CNTNAP5: variants seen among roughly 807,000 people sequenced by gnomAD.
The protein encoded by CNTNAP5 is contactin-associated protein-like 5.
In CNTNAP5, 72 loss-of-function variants were observed where a neutral mutation model predicts 150.2. The ratio of observed to expected loss-of-function variants is 0.48; its 90% CI spans 0.40 to 0.58. The LOEUF is 0.58. Ranked by LOEUF, CNTNAP5 falls within the 20% of genes least tolerant of loss-of-function variation. CNTNAP5 has a pLI of 0.00. For missense variants in CNTNAP5, 1,636 were observed against 1,626.2 expected, an observed-to-expected ratio of 1.01 and a Z score of -0.10; for synonymous variants, 672 against 619.8, an observed-to-expected ratio of 1.08 and a Z score of -1.25.
intron 21 of CNTNAP5, among the ~76,000 whole-genome samples, chr2:124,897,013 A>C (rs1678320482): frequency 1.3e-5 from 2 of 151,490 alleles, no homozygotes; most frequent in African/African-American, 4.9e-5. Context: ...ACCATCTTCT[A>C]TTCATCATTT....
At chr2:124,451,973 A>C (rs1692992588) in intron 6 of CNTNAP5, among the ~76,000 whole-genome samples, 1 of 152,166 alleles carries the variant, frequency 6.6e-6, no homozygotes, top group African/African-American at 2.4e-5. Flanking sequence ...CACTGAGAAA[A>C]GGCCATAGGG....
intron 7 of CNTNAP5, among the ~76,000 whole-genome samples, chr2:124,477,967 A>C (rs1281787632): frequency 6.6e-6 from 1 of 152,126 alleles, no homozygotes; most frequent in East Asian, 1.9e-4. Context: ...ATTGTTCATA[A>C]ACTGGGGCTT....
In CNTNAP5 at chr2:124,918,172, C is replaced by A. The variant is rs748450279; in HGVS notation, c.*3884C>A. 6.6e-6 allele frequency among the ~76,000 whole-genome samples: 1 copy of A among 151,978 alleles called. No homozygotes were observed. Among genetic ancestry groups the A allele is most frequent in the Non-Finnish European group, 1.5e-5 (1 of 67,964 alleles). On this transcript the variant is annotated 3_prime_UTR_variant, in exon 24 of 24. Coordinates refer to ENST00000682447, the MANE Select transcript of CNTNAP5 (RefSeq NM_001367498.1). ...TCCCATGAGTTGGACCTAAGAGTGT[C>A]CACTTTGGCCCCTCTCCTTCCCTTT...
At chr2:124,905,840 C>T (rs1024860879) in intron 22 of CNTNAP5, among the ~76,000 whole-genome samples, 2 of 152,086 alleles carry the variant, frequency 1.3e-5, no homozygotes, top group African/African-American at 4.8e-5. Context: ...TGGGCAGGAT[C>T]TGCGCTACAG....
intron 5 of CNTNAP5, among the ~76,000 whole-genome samples, chr2:124,435,960 C>T (rs1250370422): frequency 2.6e-5 from 4 of 152,138 alleles, no homozygotes; most frequent in Non-Finnish European, 5.9e-5. Context: ...AAAAAATTTG[C>T]TGGTAACCTC....
chr2:124,344,464 G>A (rs1167745814), intron 3 of CNTNAP5, among the ~76,000 whole-genome samples: 1 of 152,086 alleles, frequency 6.6e-6, no homozygotes, highest in East Asian at 1.9e-4. Context: ...AGGAATGATA[G>A]GCCCCATGTA....
At chr2:124,769,126 C>T (rs1681134026) in intron 16 of CNTNAP5, among the ~76,000 whole-genome samples, 1 of 151,958 alleles carries the variant, frequency 6.6e-6, no homozygotes, top group Non-Finnish European at 1.5e-5. Context: ...TCATGGAGCT[C>T]AGGACTGAGT....
intron 11 of CNTNAP5, among the ~76,000 whole-genome samples, chr2:124,606,888 A>G (rs1233499055): frequency 6.6e-6 from 1 of 152,130 alleles, no homozygotes; most frequent in Non-Finnish European, 1.5e-5. Context: ...ACAATTCAAG[A>G]CGAGATTTGG....
At chr2:124,271,644 T>C (rs917663443) in intron 3 of CNTNAP5, among the ~76,000 whole-genome samples, 1 of 148,600 alleles carries the variant, frequency 6.7e-6, no homozygotes, top group Admixed American at 6.8e-5. Flanking sequence ...ATTTCCTTCA[T>C]TTAGTTTTTT....
At position 124,423,707 on chromosome 2, in the gene CNTNAP5, C is replaced by T. The variant is rs1229962711; in HGVS notation, c.529+6117C>T. Among the ~76,000 whole-genome samples, 6 of 121,210 alleles carry T rather than the reference C, an allele frequency of 5.0e-5. No homozygotes were observed. The East Asian group carries it at 7.3e-4, about 15-fold the overall frequency. The allele number at this position is 121,210 out of a possible 152,430, so 79.5% of individuals were successfully genotyped here. A position where few individuals can be genotyped will look rare whatever the true frequency, so the allele number is the denominator to read the frequency against. ...TGAGACGGAGTCTCGCTCTGTCGCCCAGGCTGGAGTGCAGTGGCGCAATCG... is the reference window on the plus strand; with the variant it reads ...TGAGACGGAGTCTCGCTCTGTCGCCTAGGCTGGAGTGCAGTGGCGCAATCG... On this transcript the variant is annotated intron_variant, in intron 4 of 23. Coordinates refer to ENST00000682447, the MANE Select transcript of CNTNAP5 (RefSeq NM_001367498.1).
intron 1 of CNTNAP5, among the ~76,000 whole-genome samples, chr2:124,046,698 A>G (rs1681547397): frequency 6.6e-6 from 1 of 151,974 alleles, no homozygotes; most frequent in African/African-American, 2.4e-5. Flanking sequence ...CATTTTAGAC[A>G]TTTTCGTACA....
intron 11 of CNTNAP5, among the ~76,000 whole-genome samples, chr2:124,573,644 A>G (rs953692801): frequency 3.9e-5 from 6 of 152,204 alleles, no homozygotes; most frequent in Admixed American, 6.5e-5. Flanking sequence ...ATTTCAATCA[A>G]CAGAAGATTA....
chr2:124,524,512 T>A, intron 9 of CNTNAP5, 60 bp downstream of exon 9: 1 of 1,483,794 alleles, frequency 6.7e-7, no homozygotes, highest in Non-Finnish European at 9.2e-7. Flanking sequence ...AAGTGGGCAA[T>A]TATTTCACTA....
At chr2:124,458,308 T>C (rs908501711) in intron 6 of CNTNAP5, among the ~76,000 whole-genome samples, 12 of 99,484 alleles carry the variant, frequency 1.2e-4, no homozygotes, top group African/African-American at 4.1e-4. Context: ...TATATATATA[T>C]ATATATATAA....
At chr2:124,497,496 T>C (rs906021384) in intron 7 of CNTNAP5, among the ~76,000 whole-genome samples, 2 of 152,202 alleles carry the variant, frequency 1.3e-5, no homozygotes, top group Non-Finnish European at 2.9e-5. Flanking sequence ...AGCAGAATTG[T>C]CTTTTCTTGC....
At chr2:124,711,661 A>G (rs971645068) in intron 13 of CNTNAP5, among the ~76,000 whole-genome samples, 9 of 152,060 alleles carry the variant, frequency 5.9e-5, no homozygotes, top group African/African-American at 2.2e-4. Flanking sequence ...CCCCGTCTCT[A>G]CTAAAAACAA....
intron 1 of CNTNAP5, among the ~76,000 whole-genome samples, chr2:124,076,101 AG>A (rs1335518322): frequency 6.6e-6 from 1 of 152,176 alleles, no homozygotes; most frequent in Non-Finnish European, 1.5e-5. Context: ...TAAGTGGTAA[AG>A]GCTGATTTAG....
At chr2:124,571,995 G>A (rs1363403631) in intron 11 of CNTNAP5, among the ~76,000 whole-genome samples, 1 of 152,162 alleles carries the variant, frequency 6.6e-6, no homozygotes, top group African/African-American at 2.4e-5. Context: ...GGCAGCCTAA[G>A]ACTGTGGCAG....
chr2:124,798,372 C>T (rs186844963), intron 19 of CNTNAP5, 52 bp downstream of exon 19: 72 of 1,267,952 alleles, frequency 5.7e-5, no homozygotes, highest in African/African-American at 2.2e-4. Flanking sequence ...GCTGGAGGGA[C>T]GGTGCATGCC....
Sources: allele counts gnomAD v4.1 joint callset (sites outside exome capture counted in the v4.1 genomes callset), GRCh38; gene constraint gnomAD v4.1.1; transcripts MANE v1.5; gene names NCBI Gene and HGNC (gene_info 2026-07-23, HGNC 2026-07-21).